The following ZNF789 variants were observed in gnomAD, a reference collection of about 807,000 sequenced individuals.
The protein encoded by ZNF789 is zinc finger protein 789.
In ZNF789, 11 loss-of-function variants were observed where a neutral mutation model predicts 15.6. That is an observed-to-expected ratio of 0.70 (90% CI 0.44 to 1.16). The LOEUF (loss-of-function observed/expected upper bound fraction) is 1.16. Among genes scored for constraint, ZNF789 ranks in the 50% most tolerant of loss-of-function variants. The pLI is 0.00. For missense variants in ZNF789, 461 were observed against 512.6 expected, an observed-to-expected ratio of 0.90 and a Z score of 0.97; for synonymous variants, 159 against 176.0, an observed-to-expected ratio of 0.90 and a Z score of 0.76.
Position 99,487,197 on chromosome 7 carries a change from A to C in ZNF789, c.987A>C (p.Leu329=). Residue 329 remains leucine (L), a synonymous_variant, in exon 5 of 5, where the codon CTA becomes CTC. Transcript: ENST00000331410. ...CCTTTGGCCGGCATTCAACCCTTCT[A>C]TGTCATCAACAGATTCACAGTAAAC... is the stretch of plus-strand genomic sequence containing the variant. ...GKAFGRHSTL[L]CHQQIHSKPN... is the part of the protein sequence containing the mutation. 1 of 1,614,158 alleles carries C rather than the reference A, an allele frequency of 6.2e-7. No homozygotes were observed. The highest frequency in any genetic ancestry group is 8.5e-7 in the Non-Finnish European group (1 of 1,180,032).
At chr7:99,483,996 A>G (rs1013691373) in intron 3 of ZNF789, 34 bp from the exon 4 acceptor site, 1 of 1,580,120 alleles carries the variant, frequency 6.3e-7, no homozygotes, top group African/African-American at 1.3e-5. Flanking sequence ...GTAACTCACT[A>G]ACGGCCACAT....
At position 99,487,253 on chromosome 7, in the gene ZNF789, A is replaced by G; in HGVS notation, c.1043A>G (p.Gln348Arg). 6.2e-7 allele frequency: 1 copy of G among 1,614,234 alleles called. No individual in the cohort carries two copies. The highest frequency in any genetic ancestry group is 8.5e-7 in the Non-Finnish European group (1 of 1,180,036). Residue 348 changes from glutamine (Q) to arginine (R), a missense_variant, in exon 5 of 5, where the codon CAG (glutamine) becomes CGG (arginine). By Grantham distance (43) the Gln-to-Arg change is conservative. Transcript: ENST00000331410. Reference protein sequence around the residue: ...PNTHKCSECGQSFGRNVDLIQ... With the variant: ...PNTHKCSECGRSFGRNVDLIQ... ...ACCCATAAATGCAGTGAATGTGGACAGTCCTTTGGTAGGAATGTGGATCTC... is the reference window on the plus strand; with the variant it reads ...ACCCATAAATGCAGTGAATGTGGACGGTCCTTTGGTAGGAATGTGGATCTC...
chr7:99,484,786 G>A (rs1006877832), intron 4 of ZNF789, among the ~76,000 whole-genome samples: 1 of 151,812 alleles, frequency 6.6e-6, no homozygotes, highest in Non-Finnish European at 1.5e-5. Flanking sequence ...AATTTAAGCC[G>A]GGTGTGGTGG....
chr7:99,478,183 C>T (rs1420220037), intron 2 of ZNF789: 1 of 887,572 alleles, frequency 1.1e-6, no homozygotes, highest in Non-Finnish European at 1.5e-6. Context: ...TTTCCAAGAA[C>T]CTATTGTGGA....
chr7:99,481,312 A>G (rs1799615994), intron 3 of ZNF789: 1 of 152,246 alleles, frequency 6.6e-6, no homozygotes, highest in African/African-American at 2.4e-5. Context: ...AAATCTTTGC[A>G]TGAATTTTTG....
At chr7:99,474,970 G>A (rs1211731677) in intron 1 of ZNF789, among the ~76,000 whole-genome samples, 1 of 150,898 alleles carries the variant, frequency 6.6e-6, no homozygotes, top group African/African-American at 2.5e-5. Context: ...GGGTGATAGA[G>A]GGAGACTCCT....
intron 3 of ZNF789, among the ~76,000 whole-genome samples, chr7:99,482,996 C>T (rs370417496): frequency 2.1e-4 from 32 of 152,016 alleles, no homozygotes; most frequent in South Asian, 6.2e-4. Flanking sequence ...TTTGGGAGGC[C>T]GAGACAGGTG....
rs1259452884 is a variant in ZNF789, at chr7:99,486,575, C to T, written c.365C>T (p.Ala122Val). The T allele has an allele frequency of 4.3e-6, 7 of 1,614,178 alleles. No individual in the cohort carries two copies. The South Asian group carries it at 6.6e-5, about 15-fold the overall frequency. Residue 122 changes from alanine (A) to valine (V), a missense_variant, in exon 5 of 5, where the codon GCT becomes GTT. Transcript: ENST00000331410. Reference sequence around the variant, plus strand: ...ATATCAGTGGTAATGCAGGAATCAGCTGAGAAACTTTCAGAAAAGTTACAT... The same window carrying T: ...ATATCAGTGGTAATGCAGGAATCAGTTGAGAAACTTTCAGAAAAGTTACAT... ...YKISVVMQES[A>V]EKLSEKLHKC...
At chr7:99,478,328 C>T (rs1468103277) in intron 2 of ZNF789, 6 of 1,289,554 alleles carry the variant, frequency 4.7e-6, no homozygotes, top group Admixed American at 2.3e-5. Context: ...CAGCGCAGCT[C>T]TGGTAAAAGA....
chr7:99,475,806 C>CTTTTT (rs59681284), intron 1 of ZNF789, among the ~76,000 whole-genome samples: 3 of 128,366 alleles, frequency 2.3e-5, no homozygotes, highest in Non-Finnish European at 1.6e-5. Flanking sequence ...TTTTTTCTTT[C>CTTTTT]TTTTTTTTTT....
intron 1 of ZNF789, 89 bp downstream of exon 1, chr7:99,473,145 G>A (rs1799110397): frequency 6.6e-6 from 1 of 152,216 alleles, no homozygotes; most frequent in Admixed American, 6.5e-5. Context: ...GGGACGCTCC[G>A]GGTTTGTGCG....
intron 1 of ZNF789, among the ~76,000 whole-genome samples, chr7:99,475,780 G>A (rs1562880339): frequency 6.6e-6 from 1 of 151,184 alleles, no homozygotes; most frequent in Non-Finnish European, 1.5e-5. Context: ...GCTGCAGGGT[G>A]TGGATCAGAG....
At chr7:99,485,646 A>G (rs1799895935) in intron 4 of ZNF789, among the ~76,000 whole-genome samples, 1 of 152,186 alleles carries the variant, frequency 6.6e-6, no homozygotes. Flanking sequence ...AGCCTGGCCA[A>G]CATGGCGAAA....
chr7:99,474,782 C>G (rs1355458944), intron 1 of ZNF789, among the ~76,000 whole-genome samples: 1 of 151,786 alleles, frequency 6.6e-6, no homozygotes, highest in African/African-American at 2.4e-5. Context: ...GCTTAAAAGG[C>G]AGAGGGTCCA....
At chr7:99,478,387 A>G (rs1487577045) in intron 2 of ZNF789, 1 of 1,286,958 alleles carries the variant, frequency 7.8e-7, no homozygotes, top group Non-Finnish European at 1.0e-6. Context: ...GTAGCAGTGG[A>G]ACTCAGGTTT....
Position 99,484,166 on chromosome 7 carries a change from C to T in ZNF789, c.265+23C>T, listed in dbSNP as rs374848519. 2.3e-5 allele frequency: 36 copies of T among 1,582,418 alleles called. No homozygotes were observed. In the African/African-American group the frequency reaches 3.1e-4, roughly 14 times the overall value. On this transcript the variant is annotated intron_variant, in intron 4 of 4. Transcript: ENST00000331410. ...CAGGTGGGTGAGGAAGAGACCCAGGCGAGTGGAATCAGGAAGAGGAAGGGA... is the reference window on the plus strand; with the variant it reads ...CAGGTGGGTGAGGAAGAGACCCAGGTGAGTGGAATCAGGAAGAGGAAGGGA...
rs1724059398 is a variant in ZNF789, at chr7:99,487,260, T to C, written c.1050T>C (p.Phe350=). 1.2e-6 allele frequency: 2 copies of C among 1,614,204 alleles called. No individual in the cohort carries two copies. Among genetic ancestry groups the C allele is most frequent in the Non-Finnish European group, 1.7e-6 (2 of 1,180,024 alleles). ...THKCSECGQS[F]GRNVDLIQHQ... ...AATGCAGTGAATGTGGACAGTCCTT[T>C]GGTAGGAATGTGGATCTCATTCAGC... Residue 350 remains phenylalanine (F), a synonymous_variant, in exon 5 of 5, where the codon TTT becomes TTC. Coordinates refer to ENST00000331410, the MANE Select transcript of ZNF789 (RefSeq NM_213603.3).
Position 99,484,141 on chromosome 7 carries a change from C to T in ZNF789, c.263C>T (p.Pro88Leu), listed in dbSNP as rs763531446. The change falls in exon 4 of 5, where the codon CCA becomes CTA. Residue 88 changes from proline (P) to leucine (L), a missense_variant and splice_region_variant. Coordinates refer to ENST00000331410, the MANE Select transcript of ZNF789 (RefSeq NM_213603.3). ...GNRKASGSAC[P>L]GSEARHKMKK... ...AGGAAGGCTTCCGGTAGTGCTTGCC[C>T]AGGTGGGTGAGGAAGAGACCCAGGC... 12 of 1,612,936 alleles carry T rather than the reference C, an allele frequency of 7.4e-6. No individual in the cohort carries two copies. The highest frequency in any genetic ancestry group is 7.6e-6 in the Non-Finnish European group (9 of 1,179,260).
At chr7:99,486,247 G>A (rs1384664938) in intron 4 of ZNF789, among the ~76,000 whole-genome samples, 3 of 152,156 alleles carry the variant, frequency 2.0e-5, no homozygotes, top group Admixed American at 2.0e-4. Context: ...GAACCCAGGA[G>A]GCGGAGGGTG....
Sources: allele counts gnomAD v4.1 joint callset (sites outside exome capture counted in the v4.1 genomes callset), GRCh38; gene constraint gnomAD v4.1.1; transcripts MANE v1.5; gene names NCBI Gene and HGNC (gene_info 2026-07-23, HGNC 2026-07-21).